Variants in STARD3 observed in about 807,000 individuals in gnomAD.
STARD3 encodes the protein StAR related lipid transfer domain containing 3, also known as stAR-related lipid transfer protein 3.
In STARD3, 39 loss-of-function variants were observed where a neutral mutation model predicts 62.0. The observed-to-expected ratio is 0.63, with a 90% confidence interval of 0.49 to 0.82. The LOEUF (loss-of-function observed/expected upper bound fraction) is 0.82. Ranked by LOEUF, STARD3 falls within the 40% of genes least tolerant of loss-of-function variation. The probability of loss-of-function intolerance (pLI) is 0.00; values close to 1 mark genes in which losing one functional copy is unlikely to be tolerated. For synonymous variants in STARD3, 229 were observed against 242.4 expected (o/e 0.94, Z 0.51); for missense variants, 543 against 584.5 (o/e 0.93, Z 0.73).
At chr17:39,654,718 C>G (rs2057110955) in intron 2 of STARD3, among the ~76,000 whole-genome samples, 1 of 152,270 alleles carries the variant, frequency 6.6e-6, no homozygotes, top group African/African-American at 2.4e-5. Flanking sequence ...GAGTCCTCCC[C>G]TCGTTTTCCT....
chr17:39,653,666 C>T lies in STARD3; in HGVS notation c.135C>T (p.Ala45=). The change falls in exon 2 of 15, where the codon GCC becomes GCT. Residue 45 remains alanine (A), a synonymous_variant. Coordinates refer to ENST00000336308, the MANE Select transcript of STARD3 (RefSeq NM_006804.4). The part of the protein sequence containing the change: ...HLLPPPEKRR[A]ISDVRRTFCL... ...TTCCGCCGCCTGAGAAGCGAAGGGCCATCTCTGATGTCCGCCGCACCTTCT... is the reference window on the plus strand; with the variant it reads ...TTCCGCCGCCTGAGAAGCGAAGGGCTATCTCTGATGTCCGCCGCACCTTCT... The T allele has an allele frequency of 3.7e-6, 6 of 1,614,200 alleles. No individual in the cohort carries two copies. The highest frequency in any genetic ancestry group is 5.1e-6 in the Non-Finnish European group (6 of 1,180,038).
At chr17:39,661,308 C>T (rs2046683999) in intron 13 of STARD3, 1 of 576,224 alleles carries the variant, frequency 1.7e-6, no homozygotes, top group Admixed American at 3.0e-5. Context: ...GCCACCAAGG[C>T]TGGACGGGAT....
chr17:39,662,449 TC>T (rs2057210884), intron 14 of STARD3, 105 bp downstream of exon 14: 1 of 1,102,678 alleles, frequency 9.1e-7, no homozygotes, highest in South Asian at 1.4e-5. Context: ...TGCCTGGGCC[TC>T]CCCTTTGTCA....
chr17:39,653,775 C>T (rs992990753), intron 2 of STARD3, 25 bp downstream of exon 2: 1 of 1,612,996 alleles, frequency 6.2e-7, no homozygotes, highest in African/African-American at 1.3e-5. Flanking sequence ...GGTGGGGGCA[C>T]AGGCCATGTT....
chr17:39,647,135 G>T (rs912725424), intron 1 of STARD3, among the ~76,000 whole-genome samples: 1 of 151,800 alleles, frequency 6.6e-6, no homozygotes, highest in African/African-American at 2.4e-5. Context: ...GGAGGCGGAG[G>T]TTGCAGTGAG....
At position 39,663,040 on chromosome 17, in the gene STARD3, G is replaced by A; in HGVS notation, c.*132G>A. 1 of 909,218 alleles carries A rather than the reference G, an allele frequency of 1.1e-6. No individual in the cohort carries two copies. Among genetic ancestry groups the A allele is most frequent in the South Asian group, 1.8e-5 (1 of 54,562 alleles). 56.3% of individuals were successfully genotyped at this position (909,218 alleles called of 1,614,324 possible). On this transcript the variant is annotated 3_prime_UTR_variant, in exon 15 of 15. Coordinates refer to ENST00000336308, the MANE Select transcript of STARD3 (RefSeq NM_006804.4). Reference sequence around the variant, plus strand: ...CTGTCACCCTCCACCGAGCCACGCAGTGCCTGGAGTTGACTGACTGAGCAG... The same window carrying A: ...CTGTCACCCTCCACCGAGCCACGCAATGCCTGGAGTTGACTGACTGAGCAG...
At position 39,663,756 on chromosome 17, in the gene STARD3, A is replaced by G. The variant is rs778047023; in HGVS notation, c.*848A>G. Reference sequence around the variant, plus strand: ...GGGGCAAGTTTAAAGTCTCTAGTCCAGGAATGGAGGTGGGGGTATGGGCAC... The same window carrying G: ...GGGGCAAGTTTAAAGTCTCTAGTCCGGGAATGGAGGTGGGGGTATGGGCAC... On this transcript the variant is annotated 3_prime_UTR_variant, in exon 15 of 15. Transcript: ENST00000336308. Among the ~76,000 whole-genome samples the G allele has an allele frequency of 2.6e-5, 4 of 151,766 alleles. No individual in the cohort carries two copies. The highest frequency in any genetic ancestry group is 5.9e-5 in the Non-Finnish European group (4 of 67,930).
In STARD3 at chr17:39,660,295, C is replaced by T. The variant is rs1371887359; in HGVS notation, c.858+22C>T. The T allele has an allele frequency of 6.2e-7, 1 of 1,613,890 alleles. No homozygotes were observed. Among genetic ancestry groups the T allele is most frequent in the Middle Eastern group, 1.6e-4 (1 of 6,062 alleles). Reference sequence around the variant, plus strand: ...GAAGGTGAGTGAGGGGAGCGGGTGTCCTGGAGCCCCAGACAGCACAGGAGG... The same window carrying T: ...GAAGGTGAGTGAGGGGAGCGGGTGTTCTGGAGCCCCAGACAGCACAGGAGG... On this transcript the variant is annotated intron_variant, in intron 10 of 14. Coordinates refer to ENST00000336308, the MANE Select transcript of STARD3 (RefSeq NM_006804.4). The surrounding 1 kb of genome is among the most constrained non-coding windows in gnomAD (Gnocchi z 4.8).
At position 39,660,133 on chromosome 17, in the gene STARD3, G is replaced by T; in HGVS notation, c.796-78G>T. On this transcript the variant is annotated intron_variant, in intron 9 of 14. Transcript: ENST00000336308. This position sits in a 1 kb window ranked among gnomAD's most constrained non-coding sequence, Gnocchi z 4.8. ...CCCTGAGCTGTTAAAAACCTGCCCT[G>T]CCTGTCACCCATTTCTGTGCCACCA... The T allele has an allele frequency of 6.7e-7, 1 of 1,490,422 alleles. No individual in the cohort carries two copies. Among genetic ancestry groups the T allele is most frequent in the Non-Finnish European group, 9.4e-7 (1 of 1,068,280 alleles). 92.3% of individuals were successfully genotyped at this position (1,490,422 alleles called of 1,614,324 possible).
chr17:39,659,610 T>C, intron 9 of STARD3, 57 bp downstream of exon 9: 1 of 1,570,814 alleles, frequency 6.4e-7, no homozygotes, highest in Non-Finnish European at 8.8e-7. Context: ...TCTGTTCTCT[T>C]TTCTGAGGCC....
In STARD3 at chr17:39,650,332, C is replaced by A. The variant is rs114088042; in HGVS notation, c.-51-3149C>A. ...ACAAGCTGAGTCACGCCAGATTGCT[C>A]GCACACCGTCAGGAGCCAGGAAGAG... On this transcript the variant is annotated intron_variant, in intron 1 of 14. Transcript: ENST00000336308. Among the ~76,000 whole-genome samples, 1,004 of 152,250 alleles carry A rather than the reference C, an allele frequency of 6.6e-3. 9 individuals are homozygous for A. Among genetic ancestry groups the A allele is most frequent in the African/African-American group, 0.023 (952 of 41,530 alleles).
At chr17:39,662,230 C>A (rs763280923) in intron 13 of STARD3, 21 bp from the exon 14 acceptor site, 42 of 1,609,948 alleles carry the variant, frequency 2.6e-5, no homozygotes, top group Non-Finnish European at 3.5e-5. Context: ...AAAGTCCCCC[C>A]AATGATGCCT....
intron 1 of STARD3, chr17:39,652,515 G>C (rs2057087443): frequency 6.6e-6 from 1 of 152,316 alleles, no homozygotes; most frequent in Non-Finnish European, 1.5e-5. Flanking sequence ...ATTTGGAGCA[G>C]GAGGGTGGGA....
In STARD3 at chr17:39,660,721, TAGC is replaced by T; in HGVS notation, c.955-86_955-84del. ...GCTGCCCAGGGCCTGCCTGTGGCAA[TAGC>T]AGTTAGTAAAGGGGCCTGGGGTGTT... On this transcript the variant is annotated intron_variant, in intron 11 of 14. Coordinates refer to ENST00000336308, the MANE Select transcript of STARD3 (RefSeq NM_006804.4). The surrounding 1 kb of genome is among the most constrained non-coding windows in gnomAD (Gnocchi z 4.8). The T allele has an allele frequency of 6.8e-7, 1 of 1,469,352 alleles. No individual in the cohort carries two copies. Among genetic ancestry groups the T allele is most frequent in the Non-Finnish European group, 9.3e-7 (1 of 1,080,322 alleles). The allele number at this position is 1,469,352 out of a possible 1,614,324, so 91.0% of individuals were successfully genotyped here.
At chr17:39,641,686 G>A (rs57837184) in intron 1 of STARD3, among the ~76,000 whole-genome samples, 3,510 of 152,270 alleles carry the variant, frequency 0.023, 85 homozygotes, top group African/African-American at 0.058. Context: ...CTGTGAAGTA[G>A]GTACTATATT....
At chr17:39,654,028 C>T (rs1290782440) in intron 2 of STARD3, among the ~76,000 whole-genome samples, 1 of 152,200 alleles carries the variant, frequency 6.6e-6, no homozygotes, top group Admixed American at 6.5e-5. Flanking sequence ...TTGGCCTCTG[C>T]CCCATACTGC....
chr17:39,656,606 G>A (rs530422792), intron 2 of STARD3, among the ~76,000 whole-genome samples: 1 of 152,258 alleles, frequency 6.6e-6, no homozygotes, highest in South Asian at 2.1e-4. Flanking sequence ...CAGCCCAGAT[G>A]GATTATGGCT....
chr17:39,638,588 C>G (rs572610546), intron 1 of STARD3, among the ~76,000 whole-genome samples: 1 of 152,322 alleles, frequency 6.6e-6, no homozygotes, highest in East Asian at 1.9e-4. Flanking sequence ...GCGCTGCCTC[C>G]GCCTAACCCC....
At chr17:39,651,074 C>T (rs771150246) in intron 1 of STARD3, among the ~76,000 whole-genome samples, 20 of 152,240 alleles carry the variant, frequency 1.3e-4, no homozygotes, top group Non-Finnish European at 2.6e-4. Context: ...CCCTCCCCAT[C>T]GCCTGTTTCC....
Sources: gnomAD v4.1 joint callset for allele counts (sites outside exome capture counted in the v4.1 genomes callset) on GRCh38, gnomAD v4.1.1 for gene constraint, Gnocchi (gnomAD v3.1) non-coding constraint, MANE v1.5 for transcripts, NCBI Gene and HGNC (gene_info 2026-07-23, HGNC 2026-07-21) for gene names.